Variants in EYS observed in about 807,000 individuals in gnomAD.
EYS encodes protein eyes shut homolog.
A neutral mutation model predicts 282.1 loss-of-function variants in EYS; 250 were observed. That is an observed-to-expected ratio of 0.89 (90% confidence interval 0.80 to 0.98). The LOEUF (loss-of-function observed/expected upper bound fraction) is 0.98, where lower values mean the gene tolerates loss of function less well. Among genes scored for constraint, EYS ranks in the 50% least tolerant of loss-of-function variants. The pLI is 0.00. For missense variants in EYS, 4,016 were observed against 3,709.0 expected, an observed-to-expected ratio of 1.08 and a Z score of -2.15; for synonymous variants, 1,355 against 1,282.9, an observed-to-expected ratio of 1.06 and a Z score of -1.20.
At chr6:64,319,785 G>C (rs1770138867) in intron 29 of EYS, among the ~76,000 whole-genome samples, 1 of 151,830 alleles carries the variant, frequency 6.6e-6, no homozygotes, top group African/African-American at 2.4e-5. Flanking sequence ...AAATTACAGA[G>C]AATATTCCAG....
chr6:64,199,412 C>T (rs1429431707), intron 31 of EYS, among the ~76,000 whole-genome samples: 1 of 152,158 alleles, frequency 6.6e-6, no homozygotes, highest in Non-Finnish European at 1.5e-5. Context: ...ACCTTCCCTA[C>T]ACCTTATACA....
In EYS at chr6:65,230,521, G is replaced by GT. The variant is rs558293222; in HGVS notation, c.2023+65341dup. 1.6e-4 allele frequency among the ~76,000 whole-genome samples: 24 copies of GT among 151,700 alleles called. 1 individual carries two copies. Among genetic ancestry groups the GT allele is most frequent in the Middle Eastern group, 3.4e-3 (1 of 294 alleles). Reference sequence around the variant, plus strand: ...ACTTTAATATGAGTTGCTAATCCTCGTCCCTTAAAAATGTTTTCAGAGAGA... The same window carrying GT: ...ACTTTAATATGAGTTGCTAATCCTCGTTCCCTTAAAAATGTTTTCAGAGAGA... On this transcript the variant is annotated intron_variant, in intron 12 of 42. Coordinates refer to ENST00000503581, the MANE Select transcript of EYS (RefSeq NM_001142800.2).
At chr6:64,020,759 T>C (rs1214203843) in intron 33 of EYS, among the ~76,000 whole-genome samples, 1 of 152,202 alleles carries the variant, frequency 6.6e-6, no homozygotes, top group African/African-American at 2.4e-5. Context: ...AGCAAACTTT[T>C]CCATGGTGGG....
At chr6:65,305,767 T>C (rs1215701101) in intron 11 of EYS, among the ~76,000 whole-genome samples, 1 of 152,228 alleles carries the variant, frequency 6.6e-6, no homozygotes, top group South Asian at 2.1e-4. Flanking sequence ...CTTGCTGGCA[T>C]TGAATTAACA....
intron 12 of EYS, among the ~76,000 whole-genome samples, chr6:65,249,339 A>C (rs1767259392): frequency 6.6e-6 from 1 of 152,008 alleles, no homozygotes; most frequent in Non-Finnish European, 1.5e-5. Context: ...GGCTGTATAA[A>C]GCCGTGAAAA....
intron 2 of EYS, among the ~76,000 whole-genome samples, chr6:65,604,053 C>T (rs76645212): frequency 0.017 from 2,605 of 151,456 alleles, 74 homozygotes; most frequent in African/African-American, 0.06. Flanking sequence ...GCAATAGATG[C>T]GGAAAAAATA....
chr6:65,453,721 C>T (rs986538568), intron 5 of EYS, among the ~76,000 whole-genome samples: 1 of 151,960 alleles, frequency 6.6e-6, no homozygotes, highest in African/African-American at 2.4e-5. Flanking sequence ...CTACTCTAAG[C>T]TTCTAAGATA....
At chr6:65,684,522 T>G (rs1384590323) in intron 1 of EYS, among the ~76,000 whole-genome samples, 1 of 151,884 alleles carries the variant, frequency 6.6e-6, no homozygotes, top group Non-Finnish European at 1.5e-5. Context: ...AGAAATGAAG[T>G]GTTGTGTGAG....
intron 15 of EYS, among the ~76,000 whole-genome samples, chr6:64,915,410 A>C (rs1032618605): frequency 1.3e-5 from 2 of 152,178 alleles, no homozygotes; most frequent in African/African-American, 4.8e-5. Flanking sequence ...AATTGATATA[A>C]GGTCCTCAGT....
intron 26 of EYS, among the ~76,000 whole-genome samples, chr6:64,475,550 CAA>C (rs56710433): frequency 1.1e-4 from 5 of 43,868 alleles, no homozygotes; most frequent in Admixed American, 7.2e-4. Flanking sequence ...GACTCCGTCT[CAA>C]AAAAAAAAAA....
intron 26 of EYS, among the ~76,000 whole-genome samples, chr6:64,490,283 T>A (rs1776698683): frequency 6.6e-6 from 1 of 150,904 alleles, no homozygotes. Context: ...ATCTACCATA[T>A]ACCAAGCACA....
intron 29 of EYS, among the ~76,000 whole-genome samples, chr6:64,368,469 G>A (rs766396450): frequency 6.6e-6 from 1 of 152,054 alleles, no homozygotes; most frequent in Non-Finnish European, 1.5e-5. Context: ...GGGATTGCTT[G>A]TTGAATGGTA....
intron 11 of EYS, among the ~76,000 whole-genome samples, chr6:65,314,107 GTCTA>G (rs1769233648): frequency 6.9e-6 from 1 of 145,602 alleles, no homozygotes. Context: ...CTTCAGGTGT[GTCTA>G]TCTGTGTGTG....
At chr6:64,184,587 A>G (rs1013774295) in intron 31 of EYS, among the ~76,000 whole-genome samples, 2 of 151,742 alleles carry the variant, frequency 1.3e-5, no homozygotes, top group East Asian at 3.9e-4. Flanking sequence ...AACTACTGGC[A>G]TCTTACACTT....
chr6:65,416,908 A>G (rs1297794577), intron 5 of EYS, among the ~76,000 whole-genome samples: 1 of 152,014 alleles, frequency 6.6e-6, no homozygotes, highest in Non-Finnish European at 1.5e-5. Flanking sequence ...AAGTGACAGA[A>G]GAAATAAATA....
intron 12 of EYS, among the ~76,000 whole-genome samples, chr6:65,274,179 C>A (rs10806501): frequency 0.96 from 145,948 of 152,270 alleles, 70,009 homozygotes; most frequent in East Asian, 1. Context: ...TATGGTAGAA[C>A]AGGACAAGTG....
intron 30 of EYS, among the ~76,000 whole-genome samples, chr6:64,301,153 G>A (rs1253874195): frequency 6.6e-6 from 1 of 152,182 alleles, no homozygotes; most frequent in Non-Finnish European, 1.5e-5. Flanking sequence ...TTCCTGGTCA[G>A]TAAGACCTCA....
chr6:64,512,858 TA>T (rs1214686016), intron 26 of EYS, among the ~76,000 whole-genome samples: 1 of 151,924 alleles, frequency 6.6e-6, no homozygotes, highest in Non-Finnish European at 1.5e-5. Flanking sequence ...AAGATGATTC[TA>T]AAAAAGCAAT....
chr6:64,200,549 G>C (rs1227825784), intron 31 of EYS, among the ~76,000 whole-genome samples: 3 of 152,150 alleles, frequency 2.0e-5, no homozygotes, highest in Non-Finnish European at 4.4e-5. Flanking sequence ...AAGGGTGCCA[G>C]TGTGTCATTC....
Sources: allele counts gnomAD v4.1 joint callset (sites outside exome capture counted in the v4.1 genomes callset), GRCh38; gene constraint gnomAD v4.1.1; transcripts MANE v1.5; gene names NCBI Gene and HGNC (gene_info 2026-07-23, HGNC 2026-07-21).